ZNF518A: variants seen among roughly 807,000 people sequenced by gnomAD.
ZNF518A encodes zinc finger protein 518.
In ZNF518A, 47 loss-of-function variants were observed where a neutral mutation model predicts 102.7. That is an observed-to-expected ratio of 0.46 (90% CI 0.36 to 0.58). The LOEUF (loss-of-function observed/expected upper bound fraction) is 0.58. Ranked by LOEUF, ZNF518A falls within the 20% of genes least tolerant of loss-of-function variation. The pLI, the probability that ZNF518A is intolerant of heterozygous loss-of-function variation, is 0.00. For synonymous variants in ZNF518A, 652 were observed against 594.6 expected, an observed-to-expected ratio of 1.10 and a Z score of -1.40; for missense variants, 1,793 against 1,699.8, an observed-to-expected ratio of 1.05 and a Z score of -0.96.
intron 3 of ZNF518A, among the ~76,000 whole-genome samples, chr10:96,142,845 G>A (rs751755370): frequency 1.4e-5 from 2 of 148,036 alleles, no homozygotes; most frequent in Non-Finnish European, 3.0e-5. Flanking sequence ...TCGCTGTGTC[G>A]CCCAAGCTGA....
rs2082788744 is a variant in ZNF518A, at chr10:96,158,055, T to C, written c.1733T>C (p.Phe578Ser). The C allele has an allele frequency of 1.2e-6, 2 of 1,613,664 alleles. No individual in the cohort carries two copies. Among genetic ancestry groups the C allele is most frequent in the Non-Finnish European group, 1.7e-6 (2 of 1,179,808 alleles). ...TKFETRDNVD[F>S]WGNHLTQSHP... ...TTTGAAACAAGAGATAATGTTGACT[T>C]CTGGGGAAATCATCTCACTCAGAGT... The change falls in exon 6 of 6, where the codon TTC becomes TCC. Residue 578 changes from phenylalanine (F) to serine (S), a missense_variant. Transcript: ENST00000316045.
intron 1 of ZNF518A, among the ~76,000 whole-genome samples, chr10:96,185,083 T>C (rs1165511636): frequency 6.6e-6 from 1 of 152,226 alleles, no homozygotes; most frequent in Non-Finnish European, 1.5e-5. Context: ...CTTTCTTCCC[T>C]TGATCGAATC....
At chr10:96,154,433 C>CT (rs1225003248) in intron 3 of ZNF518A, among the ~76,000 whole-genome samples, 4 of 151,436 alleles carry the variant, frequency 2.6e-5, no homozygotes, top group Non-Finnish European at 5.9e-5. Flanking sequence ...TCCTTCTTTT[C>CT]TTTTTTTTCC....
chr10:96,146,232 CTT>C (rs2082166932), intron 3 of ZNF518A, among the ~76,000 whole-genome samples: 1 of 151,980 alleles, frequency 6.6e-6, no homozygotes, highest in South Asian at 2.1e-4. Context: ...TTGGTGGACA[CTT>C]ATTTTTAATT....
intron 1 of ZNF518A, chr10:96,189,787 A>T: frequency 2.2e-6 from 2 of 897,536 alleles, no homozygotes; most frequent in Non-Finnish European, 3.7e-6. Flanking sequence ...TACCACCTCC[A>T]GGGACAGATC....
intron 3 of ZNF518A, among the ~76,000 whole-genome samples, chr10:96,145,064 T>TTTGTTGTTGTTGTTGTTGTTGTTG (rs56087328): frequency 5.2e-4 from 78 of 150,768 alleles, no homozygotes; most frequent in Middle Eastern, 3.4e-3. Flanking sequence ...ACATGTATGT[T>TTTGTTGTTGTTGTTGTTGTTGTTG]TTGTTGTTGT....
chr10:96,176,290 C>G (rs2083204373), intron 1 of ZNF518A, among the ~76,000 whole-genome samples: 1 of 151,182 alleles, frequency 6.6e-6, no homozygotes, highest in Admixed American at 6.6e-5. Flanking sequence ...CACTATAGGG[C>G]AATATTGAGT....
chr10:96,143,065 C>T (rs587640045), intron 3 of ZNF518A, among the ~76,000 whole-genome samples: 6 of 152,270 alleles, frequency 3.9e-5, no homozygotes, highest in South Asian at 4.1e-4. Flanking sequence ...GCTTTGGCCT[C>T]GCAAAGTGTT....
chr10:96,144,724 A>G (rs1554877792), intron 3 of ZNF518A, among the ~76,000 whole-genome samples: 2 of 152,180 alleles, frequency 1.3e-5, no homozygotes, highest in East Asian at 3.9e-4. Context: ...TTGGTTAGTG[A>G]ACTATTTCAG....
chr10:96,176,866 C>T (rs1357149452), intron 1 of ZNF518A, among the ~76,000 whole-genome samples: 3 of 152,246 alleles, frequency 2.0e-5, no homozygotes, highest in East Asian at 3.9e-4. Context: ...CACTGCATTC[C>T]AGCCTGGGTG....
chr10:96,203,979 T>G, exon 3 of ZNF518A: 1 of 1,277,398 alleles, frequency 7.8e-7, no homozygotes, highest in Non-Finnish European at 1.1e-6. Flanking sequence ...CAGTGCTGTG[T>G]TAGAACCCAG....
intron 1 of ZNF518A, among the ~76,000 whole-genome samples, chr10:96,202,195 A>G (rs587711145): frequency 5.8e-4 from 89 of 152,296 alleles, no homozygotes; most frequent in African/African-American, 2.0e-3. Context: ...ATGACTCAAG[A>G]GCTGTAATGA....
intron 1 of ZNF518A, among the ~76,000 whole-genome samples, chr10:96,179,883 C>CCT (rs1564803051): frequency 1.9e-5 from 2 of 106,100 alleles, no homozygotes; most frequent in South Asian, 3.4e-4. Context: ...TTCTTTCTTT[C>CCT]ATTTTTTTTT....
At chr10:96,152,321 A>G (rs587621854) in intron 3 of ZNF518A, among the ~76,000 whole-genome samples, 115 of 152,318 alleles carry the variant, frequency 7.5e-4, no homozygotes, top group African/African-American at 2.7e-3. Context: ...AAAATAAATA[A>G]GTAAAACCAG....
rs2083590957 is a variant in ZNF518A, at chr10:96,200,095, C to T, written n.36-3479C>T. On this transcript the variant is annotated intron_variant and non_coding_transcript_variant, in intron 1 of 2. Coordinates refer to the ZNF518A transcript ENST00000442635. This position sits in a 1 kb window ranked among gnomAD's most constrained non-coding sequence, Gnocchi z 4.3. ...CAGACCTTGTTTGATCTGTGCAATGCCTCTTCAGCAGACTTTCGATCACAG... is the reference window on the plus strand; with the variant it reads ...CAGACCTTGTTTGATCTGTGCAATGTCTCTTCAGCAGACTTTCGATCACAG... 1 of 1,613,694 alleles carries T rather than the reference C, an allele frequency of 6.2e-7. No homozygotes were observed. The highest frequency in any genetic ancestry group is 8.5e-7 in the Non-Finnish European group (1 of 1,179,776).
chr10:96,150,374 T>C (rs1220226112), intron 3 of ZNF518A, among the ~76,000 whole-genome samples: 1 of 151,140 alleles, frequency 6.6e-6, no homozygotes, highest in African/African-American at 2.4e-5. Context: ...TTAAAGGTGG[T>C]GTTCTGATGA....
Position 96,162,777 on chromosome 10 carries a change from G to A in ZNF518A, c.*2003G>A, listed in dbSNP as rs974110145. 2.4e-5 allele frequency: 4 copies of A among 166,266 alleles called. No individual in the cohort carries two copies. The highest frequency in any genetic ancestry group is 4.4e-5 in the Non-Finnish European group (3 of 67,988). The allele number at this position is 166,266 out of a possible 1,614,324, so 10.3% of individuals were successfully genotyped here. On this transcript the variant is annotated 3_prime_UTR_variant, in exon 6 of 6. Coordinates refer to ENST00000316045, the MANE Select transcript of ZNF518A (RefSeq NM_001330736.2). ...TGTGCTAAAATCTGATGGAAATTTT[G>A]TTCTCTAGGAAATACAGATTTTAAA...
chr10:96,156,347 T>C lies in ZNF518A; in HGVS notation c.25T>C (p.Phe9Leu). Residue 9 changes from phenylalanine (F) to leucine (L), a missense_variant, in exon 6 of 6, where the codon TTT becomes CTT. Coordinates refer to ENST00000316045, the MANE Select transcript of ZNF518A (RefSeq NM_001330736.2). MPSEQKQL[F>L]CDEKQTTLKK... is the part of the protein sequence containing the mutation. The stretch of plus-strand genomic sequence containing the variant: ...CATGCCATCTGAACAGAAACAGTTA[T>C]TTTGTGATGAAAAACAAACTACTTT... 2 of 1,582,088 alleles carry C rather than the reference T, an allele frequency of 1.3e-6. No homozygotes were observed. The highest frequency in any genetic ancestry group is 2.4e-5 in the South Asian group (2 of 84,486).
intron 3 of ZNF518A, among the ~76,000 whole-genome samples, chr10:96,142,350 G>C (rs1554876873): frequency 8.1e-6 from 1 of 123,922 alleles, no homozygotes; most frequent in East Asian, 2.9e-4. Context: ...GTGTGTGTGT[G>C]TGTGTTTCTA....
Sources: gnomAD v4.1 joint callset for allele counts (sites outside exome capture counted in the v4.1 genomes callset) on GRCh38, gnomAD v4.1.1 for gene constraint, Gnocchi (gnomAD v3.1) non-coding constraint, MANE v1.5 for transcripts, NCBI Gene and HGNC (gene_info 2026-07-23, HGNC 2026-07-21) for gene names.